Variants in DIP2C observed in about 807,000 individuals in gnomAD.
DIP2C encodes DIP2 acetate--CoA ligase C (putative).
In DIP2C, 33 loss-of-function variants were observed where a neutral mutation model predicts 192.4. The observed-to-expected ratio is 0.17, with a 90% CI of 0.13 to 0.23. DIP2C has a LOEUF of 0.23. Ranked by LOEUF, DIP2C falls within the 10% of genes least tolerant of loss-of-function variation. DIP2C has a pLI of 1.00. For missense variants in DIP2C, 1,537 were observed against 2,110.1 expected, an observed-to-expected ratio of 0.73 and a Z score of 5.32; for synonymous variants, 979 against 864.1, an observed-to-expected ratio of 1.13 and a Z score of -2.33.
chr10:559,829 G>A (rs941193955), intron 1 of DIP2C, among the ~76,000 whole-genome samples: 10 of 152,186 alleles, frequency 6.6e-5, no homozygotes, highest in Non-Finnish European at 1.3e-4. Context: ...CCCTGCTCAG[G>A]GTTCAGCACA....
chr10:481,274 T>C (rs1168837197), intron 2 of DIP2C, among the ~76,000 whole-genome samples: 1 of 152,232 alleles, frequency 6.6e-6, no homozygotes, highest in Admixed American at 6.5e-5. Context: ...ATTTACGTAC[T>C]TAAGAAACTT....
intron 4 of DIP2C, among the ~76,000 whole-genome samples, chr10:432,486 T>C (rs1966871491): frequency 6.6e-6 from 1 of 152,206 alleles, no homozygotes; most frequent in Non-Finnish European, 1.5e-5. Context: ...TTTCATAATA[T>C]TTATTATCCT....
At position 688,728 on chromosome 10, in the gene DIP2C, T is replaced by C. The variant is rs982850271; in HGVS notation, c.85+766A>G. 5.9e-5 allele frequency among the ~76,000 whole-genome samples: 9 copies of C among 152,310 alleles called. No homozygotes were observed. The East Asian group carries it at 1.5e-3, about 26-fold the overall frequency. ...ACAGTTGAGCACATGATCTCCGCCA[T>C]GAAGAGCAAATAAGAGGCGTACACA... On this transcript the variant is annotated intron_variant, in intron 1 of 36. Transcript: ENST00000280886.
intron 3 of DIP2C, among the ~76,000 whole-genome samples, chr10:443,728 G>C (rs966219711): frequency 6.6e-6 from 1 of 152,054 alleles, no homozygotes; most frequent in Non-Finnish European, 1.5e-5. Flanking sequence ...AAGAAACCTG[G>C]CTCCTGTTAC....
At chr10:392,814 GCGCACACACACACACACGCCCA>G (rs1327528323) in intron 10 of DIP2C, among the ~76,000 whole-genome samples, 14 of 142,532 alleles carry the variant, frequency 9.8e-5, no homozygotes, top group East Asian at 4.1e-4. Context: ...CGCACACTCA[GCGCACACACACACACACGCCCA>G]CGCACACACA....
At chr10:298,378 T>C (rs903469262) in intron 32 of DIP2C, among the ~76,000 whole-genome samples, 1 of 152,182 alleles carries the variant, frequency 6.6e-6, no homozygotes, top group Non-Finnish European at 1.5e-5. Context: ...CATGGCGTCA[T>C]ATCAAAGCCC....
At chr10:680,875 G>A (rs1054733880) in intron 1 of DIP2C, among the ~76,000 whole-genome samples, 13 of 152,112 alleles carry the variant, frequency 8.5e-5, no homozygotes, top group African/African-American at 3.1e-4. Context: ...GCCACCGCCT[G>A]TGGCCACGGA....
chr10:689,472 C>G lies in DIP2C; in HGVS notation c.85+22G>C. On this transcript the variant is annotated intron_variant, in intron 1 of 36. Coordinates refer to ENST00000280886, the MANE Select transcript of DIP2C (RefSeq NM_014974.3). The surrounding 1 kb of genome is among the most constrained non-coding windows in gnomAD (Gnocchi z 6.1). ...CCTCCCCGGTGACAGCGCGGCCCGG[C>G]CCGGGGCGGGGGCCCGGTTACCTTC... The G allele has an allele frequency of 8.5e-7, 1 of 1,171,058 alleles. No individual in the cohort carries two copies. The highest frequency in any genetic ancestry group is 1.1e-6 in the Non-Finnish European group (1 of 937,810). 72.5% of individuals were successfully genotyped at this position (1,171,058 alleles called of 1,614,324 possible).
At chr10:482,995 G>A (rs940767335) in intron 2 of DIP2C, among the ~76,000 whole-genome samples, 3 of 152,090 alleles carry the variant, frequency 2.0e-5, no homozygotes, top group Non-Finnish European at 4.4e-5. Context: ...TTTCTTCCTG[G>A]CTCCGGACAG....
intron 1 of DIP2C, among the ~76,000 whole-genome samples, chr10:574,460 T>C (rs915103301): frequency 4.6e-5 from 7 of 152,178 alleles, no homozygotes; most frequent in Non-Finnish European, 8.8e-5. Context: ...GCAGACAGCC[T>C]CATATGACGT....
chr10:559,229 T>A (rs1849063522), intron 1 of DIP2C, among the ~76,000 whole-genome samples: 2 of 151,832 alleles, frequency 1.3e-5, no homozygotes, highest in South Asian at 4.1e-4. Flanking sequence ...ATGAGAGAAG[T>A]GCTTGGGCCC....
At chr10:513,369 G>A (rs1459599037) in intron 1 of DIP2C, among the ~76,000 whole-genome samples, 3 of 152,190 alleles carry the variant, frequency 2.0e-5, no homozygotes, top group Non-Finnish European at 2.9e-5. Flanking sequence ...TTTTAAAATT[G>A]TTTGTCGCGT....
Position 335,350 on chromosome 10 carries a change from CAAACA to C in DIP2C, c.3585-5754_3585-5750del, listed in dbSNP as rs1359769462. 5.9e-5 allele frequency among the ~76,000 whole-genome samples: 9 copies of C among 152,310 alleles called. No individual in the cohort carries two copies. The East Asian group carries it at 1.7e-3, about 29-fold the overall frequency. On this transcript the variant is annotated intron_variant, in intron 29 of 36. Coordinates refer to ENST00000280886, the MANE Select transcript of DIP2C (RefSeq NM_014974.3). The stretch of plus-strand genomic sequence containing the variant: ...CAGACACTTCAGGGGGGATTTCCAA[CAAACA>C]AGTCTATTTTCCTCCATAAACACCT...
intron 1 of DIP2C, among the ~76,000 whole-genome samples, chr10:568,234 A>T (rs1849560937): frequency 6.6e-6 from 1 of 152,126 alleles, no homozygotes. Context: ...AACACCTCTC[A>T]CATCAATCCC....
Position 655,532 on chromosome 10 carries a change from G to A in DIP2C, c.85+33962C>T, listed in dbSNP as rs1038640576. 3.9e-5 allele frequency among the ~76,000 whole-genome samples: 6 copies of A among 152,114 alleles called. No homozygotes were observed. In the South Asian group the frequency reaches 8.3e-4, roughly 21 times the overall value. ...CTGTCCTCTCTGTTCTGTGCTATGCGACTCTGCTATTCCACACTATGCTAT... is the reference window on the plus strand; with the variant it reads ...CTGTCCTCTCTGTTCTGTGCTATGCAACTCTGCTATTCCACACTATGCTAT... On this transcript the variant is annotated intron_variant, in intron 1 of 36. Transcript: ENST00000280886.
chr10:517,794 GTC>G (rs1219409342), intron 1 of DIP2C, among the ~76,000 whole-genome samples: 1 of 152,120 alleles, frequency 6.6e-6, no homozygotes, highest in Admixed American at 6.5e-5. Context: ...AATATAAAAG[GTC>G]TCTTTATTAA....
intron 1 of DIP2C, among the ~76,000 whole-genome samples, chr10:616,579 C>T (rs1269451327): frequency 6.6e-6 from 1 of 152,192 alleles, no homozygotes; most frequent in African/African-American, 2.4e-5. Flanking sequence ...AACAGCCCCT[C>T]GCCCAGCCAG....
rs200557887 is a variant in DIP2C, at chr10:591,543, ACAT to A, written c.85+97948_85+97950del. On this transcript the variant is annotated intron_variant, in intron 1 of 36. Transcript: ENST00000280886. ...GTTACCCATTTGAAGTACAAATAAA[ACAT>A]CATGTTTAAAAACCAAAAATGCCAA... 1.1e-3 allele frequency among the ~76,000 whole-genome samples: 169 copies of A among 152,356 alleles called. 1 individual carries two copies. Among genetic ancestry groups the A allele is most frequent in the African/African-American group, 3.2e-3 (135 of 41,576 alleles).
intron 17 of DIP2C, among the ~76,000 whole-genome samples, chr10:373,000 G>A (rs946567801): frequency 2.0e-5 from 3 of 152,192 alleles, no homozygotes; most frequent in Non-Finnish European, 4.4e-5. Flanking sequence ...ATAGGGACTC[G>A]CTTAAAACTC....
Sources: gnomAD v4.1 joint callset for allele counts (sites outside exome capture counted in the v4.1 genomes callset) on GRCh38, gnomAD v4.1.1 for gene constraint, Gnocchi (gnomAD v3.1) non-coding constraint, MANE v1.5 for transcripts, NCBI Gene and HGNC (gene_info 2026-07-23, HGNC 2026-07-21) for gene names.